Variants in FCRL6 observed in about 807,000 individuals in gnomAD.
FCRL6 encodes Fc receptor like 6, also known as Fc receptor-like protein 6.
FCRL6 carries 50 observed loss-of-function variants against 49.1 expected under a neutral mutation model. The observed-to-expected ratio is 1.02, with a 90% CI of 0.81 to 1.29. FCRL6 has a LOEUF of 1.29. Ranked by LOEUF, FCRL6 falls within the 50% of genes most tolerant of loss-of-function variation. FCRL6 has a pLI of 0.00. For synonymous variants in FCRL6, 213 were observed against 199.6 expected, an observed-to-expected ratio of 1.07 and a Z score of -0.57; for missense variants, 571 against 518.5, an observed-to-expected ratio of 1.10 and a Z score of -0.98.
At chr1:159,806,207 TTG>T (rs1393937613) in intron 1 of FCRL6, among the ~76,000 whole-genome samples, 1 of 152,218 alleles carries the variant, frequency 6.6e-6, no homozygotes, top group Non-Finnish European at 1.5e-5. Flanking sequence ...CAATGGGGCA[TTG>T]TTTTAGTGAT....
upstream of FCRL6, among the ~76,000 whole-genome samples, chr1:159,801,549 A>G (rs1380143135): frequency 6.6e-6 from 1 of 152,188 alleles, no homozygotes; most frequent in Admixed American, 6.5e-5. Flanking sequence ...ACGGTGATTT[A>G]TGATGTCTAG....
At chr1:159,804,605 G>A (rs976207011) in intron 1 of FCRL6, among the ~76,000 whole-genome samples, 7 of 152,266 alleles carry the variant, frequency 4.6e-5, no homozygotes, top group Non-Finnish European at 7.3e-5. Context: ...CACCCCCTGT[G>A]TATGTTCCCA....
rs962324080 is a variant in FCRL6 at position 159,809,972 on chromosome 1, G to A, written c.887-122G>A. On this transcript the variant is annotated intron_variant, in intron 5 of 9. Coordinates refer to ENST00000368106, the MANE Select transcript of FCRL6 (RefSeq NM_001004310.3). ...AGCCATCCTTCATGCCCATCTATGAGGCTCCCCCAGGCCAGACGGTTCCCC... is the reference window on the plus strand; with the variant it reads ...AGCCATCCTTCATGCCCATCTATGAAGCTCCCCCAGGCCAGACGGTTCCCC... 3 of 1,256,666 alleles carry A rather than the reference G, an allele frequency of 2.4e-6. No individual in the cohort carries two copies. In the South Asian group the frequency reaches 4.3e-5, roughly 18 times the overall value. 77.8% of individuals were successfully genotyped at this position (1,256,666 alleles called of 1,614,324 possible).
Position 159,809,172 on chromosome 1 carries a change from T to C in FCRL6, c.531T>C (p.Leu177=). 1 of 1,612,810 alleles carries C rather than the reference T, an allele frequency of 6.2e-7. No homozygotes were observed. The highest frequency in any genetic ancestry group is 1.7e-5 in the Admixed American group (1 of 59,904). Residue 177 remains leucine (L), a synonymous_variant, in exon 4 of 10, where the codon CTT becomes CTC. Transcript: ENST00000368106. ...GAGCCAAGGAGGGAGACTCTGGGCT[T>C]TACTGGTGTGAGGTGGCCCCTGAGG... ...IPGAKEGDSG[L]YWCEVAPEGG... is the part of the protein sequence containing the mutation.
chr1:159,806,770 G>A (rs1419040957), intron 2 of FCRL6, among the ~76,000 whole-genome samples, 154 bp downstream of exon 2: 1 of 152,164 alleles, frequency 6.6e-6, no homozygotes, highest in African/African-American at 2.4e-5. Context: ...CAGTTCCTAG[G>A]AAAAGGAGGA....
At position 159,813,485 on chromosome 1, in the gene FCRL6, C is replaced by T; in HGVS notation, c.1010-4C>T. On this transcript the variant is annotated splice_region_variant and splice_polypyrimidine_tract_variant and intron_variant, in intron 6 of 9. Transcript: ENST00000368106. The stretch of plus-strand genomic sequence containing the variant: ...CCAGTGAATCATGCCCTTGTATCTC[C>T]TAGGGCCCCTTCCATCCCAGATACC... 6.2e-7 allele frequency: 1 copy of T among 1,613,736 alleles called. No homozygotes were observed. Among genetic ancestry groups the T allele is most frequent in the Non-Finnish European group, 8.5e-7 (1 of 1,179,646 alleles).
At position 159,810,148 on chromosome 1, in the gene FCRL6, C is replaced by A; in HGVS notation, c.941C>A (p.Ala314Glu). 1.9e-6 allele frequency: 3 copies of A among 1,613,954 alleles called. No individual in the cohort carries two copies. The highest frequency in any genetic ancestry group is 1.1e-5 in the South Asian group (1 of 91,064). The change falls in exon 6 of 10, where the codon GCG becomes GAG. Residue 314 changes from alanine (A) to glutamate (E), a missense_variant. Physicochemically the swap from Ala to Glu is moderately radical, Grantham distance 107 (BLOSUM62 -1). Coordinates refer to ENST00000368106, the MANE Select transcript of FCRL6 (RefSeq NM_001004310.3). ...AACTGGCTGGTTCCTTGGCTTCCTG[C>A]GAGCCTGCTTGGCCTGATGGTTATT... The part of the protein sequence containing the change: ...ASNWLVPWLP[A>E]SLLGLMVIAA...
chr1:159,808,898 C>A (rs1662890330), intron 3 of FCRL6, 63 bp from the exon 4 acceptor site: 2 of 1,497,030 alleles, frequency 1.3e-6, no homozygotes, highest in Non-Finnish European at 1.8e-6. Context: ...GCTCAGGCCT[C>A]AGCCTCCTGG....
chr1:159,807,635 G>A (rs976094152), intron 2 of FCRL6, among the ~76,000 whole-genome samples: 3 of 152,196 alleles, frequency 2.0e-5, no homozygotes, highest in African/African-American at 7.2e-5. Context: ...AGGAGGGAGA[G>A]AACTCAGGCT....
At chr1:159,813,343 G>A in intron 6 of FCRL6, 146 bp from the exon 7 acceptor site, 1 of 662,934 alleles carries the variant, frequency 1.5e-6, no homozygotes, top group Admixed American at 2.4e-5. Flanking sequence ...AATCAACCAT[G>A]TCCAGACCTG....
At chr1:159,811,183 C>T (rs1056805028) in intron 6 of FCRL6, among the ~76,000 whole-genome samples, 3 of 152,188 alleles carry the variant, frequency 2.0e-5, no homozygotes, top group African/African-American at 7.2e-5. Flanking sequence ...GCTCTCAAAG[C>T]AATTAGTTTG....
intron 1 of FCRL6, among the ~76,000 whole-genome samples, chr1:159,806,312 G>A (rs59515106): frequency 0.044 from 6,731 of 152,266 alleles, 490 homozygotes; most frequent in African/African-American, 0.15. Flanking sequence ...TAGGGAGTAC[G>A]TCCAGCACAA....
chr1:159,815,074 C>T (rs981502354), intron 8 of FCRL6, among the ~76,000 whole-genome samples: 2 of 152,142 alleles, frequency 1.3e-5, no homozygotes, highest in Admixed American at 6.5e-5. Context: ...TTGTTGCTGT[C>T]GTTTTAATGT....
intron 1 of FCRL6, among the ~76,000 whole-genome samples, chr1:159,806,337 A>G (rs550073665): frequency 1.3e-5 from 2 of 152,188 alleles, no homozygotes; most frequent in South Asian, 4.1e-4. Context: ...TGAGTAGTCA[A>G]GTGGCCGGGT....
chr1:159,803,527 G>C (rs1662476831), intron 1 of FCRL6, among the ~76,000 whole-genome samples: 1 of 152,128 alleles, frequency 6.6e-6, no homozygotes, highest in Non-Finnish European at 1.5e-5. Context: ...TGGCCATTTG[G>C]ACAAATGAAA....
chr1:159,803,187 C>G (rs1662452862), intron 1 of FCRL6, among the ~76,000 whole-genome samples: 1 of 152,194 alleles, frequency 6.6e-6, no homozygotes, highest in South Asian at 2.1e-4. Context: ...GAGAGCTGGT[C>G]TAAGGGTAGA....
chr1:159,815,549 T>C lies in FCRL6; in HGVS notation c.1193T>C (p.Ile398Thr). The C allele has an allele frequency of 6.2e-7, 1 of 1,614,234 alleles. No homozygotes were observed. The highest frequency in any genetic ancestry group is 8.5e-7 in the Non-Finnish European group (1 of 1,180,038). ...FTVGRKDSSI[I>T]CAEVRCLQPS... is the part of the protein sequence containing the mutation. The stretch of plus-strand genomic sequence containing the variant: ...ACTCTTCCACAGGACAGTTCTATCA[T>C]CTGTGCGGAGGTGAGATGCCTGCAG... Residue 398 changes from isoleucine (I) to threonine (T), a missense_variant, in exon 10 of 10, where the codon ATC (isoleucine) becomes ACC (threonine). Coordinates refer to ENST00000368106, the MANE Select transcript of FCRL6 (RefSeq NM_001004310.3).
At chr1:159,800,555 C>G, upstream of FCRL6, 1 of 1,542,922 alleles carries the variant, frequency 6.5e-7, no homozygotes, top group Admixed American at 2.0e-5. Flanking sequence ...GAAGACAACT[C>G]AGGAGATCTG....
In FCRL6 at chr1:159,802,416, A is replaced by G. The variant is rs1416781948; in HGVS notation, c.-9A>G. 1.2e-6 allele frequency: 2 copies of G among 1,613,740 alleles called. No homozygotes were observed. Among genetic ancestry groups the G allele is most frequent in the African/African-American group, 1.3e-5 (1 of 74,912 alleles). ...CCTGTGTTCCCTCCGCTGTGCCAGA[A>G]CAGGCCCCATGCTGCTCTGGACGGC... On this transcript the variant is annotated 5_prime_UTR_variant, in exon 1 of 10. Coordinates refer to ENST00000368106, the MANE Select transcript of FCRL6 (RefSeq NM_001004310.3).
Sources: gnomAD v4.1 joint callset for allele counts (sites outside exome capture counted in the v4.1 genomes callset) on GRCh38, gnomAD v4.1.1 for gene constraint, MANE v1.5 for transcripts, NCBI Gene and HGNC (gene_info 2026-07-23, HGNC 2026-07-21) for gene names.